Variants in RCOR1 observed in about 807,000 individuals in gnomAD.
RCOR1 encodes REST corepressor 1.
A neutral mutation model predicts 64.0 loss-of-function variants in RCOR1; 12 were observed. That is an observed-to-expected ratio of 0.19 (90% CI 0.12 to 0.30). The LOEUF is 0.30. Ranked by LOEUF, RCOR1 falls within the 10% of genes least tolerant of loss-of-function variation. RCOR1 has a pLI of 1.00. For synonymous variants in RCOR1, 279 were observed against 227.2 expected (o/e 1.23, Z -2.05); for missense variants, 502 against 621.2 (o/e 0.81, Z 2.04).
intron 7 of RCOR1, 40 bp from the exon 8 acceptor site, chr14:102,714,383 T>A: frequency 1.4e-6 from 2 of 1,395,074 alleles, no homozygotes; most frequent in Non-Finnish European, 2.0e-6. Context: ...ATCATTTGAC[T>A]TTTTTTAAGT....
chr14:102,654,025 G>T (rs534944916), intron 2 of RCOR1, among the ~76,000 whole-genome samples: 106 of 118,404 alleles, frequency 9.0e-4, no homozygotes, highest in African/African-American at 3.3e-3. Context: ...TGGCTCTGTC[G>T]CCCAGGCCGG....
chr14:102,667,819 T>C (rs542510476), intron 2 of RCOR1, among the ~76,000 whole-genome samples: 1 of 152,152 alleles, frequency 6.6e-6, no homozygotes, highest in Admixed American at 6.5e-5. Context: ...TTGGTGACTA[T>C]ACAAGTGATA....
intron 2 of RCOR1, among the ~76,000 whole-genome samples, chr14:102,633,204 C>T (rs1262626352): frequency 6.6e-6 from 1 of 152,048 alleles, no homozygotes; most frequent in Admixed American, 6.6e-5. Flanking sequence ...AAGGTCTCAT[C>T]TAGCTCTAAG....
At position 102,727,314 on chromosome 14, in the gene RCOR1, G is replaced by A. The variant is rs1022834689; in HGVS notation, c.*808G>A. 1 of 89,788 alleles carries A rather than the reference G, an allele frequency of 1.1e-5. No homozygotes were observed. Among genetic ancestry groups the A allele is most frequent in the Non-Finnish European group, 2.2e-5 (1 of 45,384 alleles). The allele number at this position is 89,788 out of a possible 1,614,324, so 5.6% of individuals were successfully genotyped here. A position where few individuals can be genotyped will look rare whatever the true frequency, so the allele number is the denominator to read the frequency against. The stretch of plus-strand genomic sequence containing the variant: ...CACCCCCCCACCTCCAAGAGGTTCG[G>A]CCCACATCACTGTACCTGGTGCTTG... On this transcript the variant is annotated 3_prime_UTR_variant, in exon 12 of 12. Coordinates refer to ENST00000262241, the MANE Select transcript of RCOR1 (RefSeq NM_015156.4).
chr14:102,645,343 T>C (rs748996822), intron 2 of RCOR1, among the ~76,000 whole-genome samples: 1 of 152,218 alleles, frequency 6.6e-6, no homozygotes, highest in Non-Finnish European at 1.5e-5. Flanking sequence ...CTGAGAATTT[T>C]GAGAATTGTT....
chr14:102,619,714 C>T (rs982895402), intron 2 of RCOR1, among the ~76,000 whole-genome samples: 13 of 152,132 alleles, frequency 8.5e-5, no homozygotes, highest in African/African-American at 3.1e-4. Flanking sequence ...CTCCTGACCT[C>T]AGGTGATCTG....
At chr14:102,613,634 A>G (rs1893683766) in intron 2 of RCOR1, among the ~76,000 whole-genome samples, 1 of 150,544 alleles carries the variant, frequency 6.6e-6, no homozygotes, top group African/African-American at 2.4e-5. Context: ...GGGTTTCACC[A>G]TGGTCTCGAT....
intron 2 of RCOR1, among the ~76,000 whole-genome samples, chr14:102,678,618 T>C (rs1353170151): frequency 2.6e-5 from 4 of 152,190 alleles, no homozygotes; most frequent in South Asian, 2.1e-4. Flanking sequence ...TGTGAACATA[T>C]GCTAATTCTG....
intron 2 of RCOR1, among the ~76,000 whole-genome samples, chr14:102,666,658 G>A (rs1267149131): frequency 6.6e-6 from 1 of 152,146 alleles, no homozygotes; most frequent in Non-Finnish European, 1.5e-5. Flanking sequence ...GTTTTAAGAA[G>A]TACTAATCAG....
At chr14:102,619,195 C>T (rs539394695) in intron 2 of RCOR1, among the ~76,000 whole-genome samples, 2 of 152,196 alleles carry the variant, frequency 1.3e-5, no homozygotes, top group East Asian at 3.9e-4. Context: ...AATCTTGGTT[C>T]ATTGCAACCT....
intron 2 of RCOR1, among the ~76,000 whole-genome samples, chr14:102,596,523 A>G (rs1441009214): frequency 6.6e-6 from 1 of 152,056 alleles, no homozygotes; most frequent in African/African-American, 2.4e-5. Context: ...TGAGAGTTTG[A>G]TCCTTACTAG....
At chr14:102,685,248 T>A (rs1276082526) in intron 3 of RCOR1, among the ~76,000 whole-genome samples, 2 of 152,206 alleles carry the variant, frequency 1.3e-5, no homozygotes, top group Admixed American at 1.3e-4. Flanking sequence ...TGAACTGTTA[T>A]CAGTCTGCTC....
chr14:102,645,925 A>G lies in RCOR1; in HGVS notation c.362-35970A>G, dbSNP rs922310571. On this transcript the variant is annotated intron_variant, in intron 2 of 11. Transcript: ENST00000262241. ...TTTGTTTGTGCTGCTTCTTCAGGGC[A>G]CTCAGACTGCCCACATAGCTTTGTG... Among the ~76,000 whole-genome samples, 4 of 152,308 alleles carry G rather than the reference A, an allele frequency of 2.6e-5. No individual in the cohort carries two copies. In the South Asian group the frequency reaches 6.2e-4, roughly 24 times the overall value.
At chr14:102,603,745 G>T (rs1893449997) in intron 2 of RCOR1, among the ~76,000 whole-genome samples, 1 of 151,724 alleles carries the variant, frequency 6.6e-6, no homozygotes, top group Non-Finnish European at 1.5e-5. Context: ...CTCAGCTTCC[G>T]AGGTAGCTGG....
intron 5 of RCOR1, 133 bp downstream of exon 5, chr14:102,707,645 C>CT: frequency 1.3e-6 from 1 of 769,022 alleles, no homozygotes; most frequent in Non-Finnish European, 2.1e-6. Flanking sequence ...TTAGATTCAG[C>CT]TTAGTACATG....
At chr14:102,705,229 G>A (rs992744790) in intron 4 of RCOR1, among the ~76,000 whole-genome samples, 4 of 152,000 alleles carry the variant, frequency 2.6e-5, no homozygotes, top group African/African-American at 7.3e-5. Flanking sequence ...GTGGGTTTTC[G>A]AATCTCTCCC....
At chr14:102,681,317 A>C (rs1441523734) in intron 2 of RCOR1, among the ~76,000 whole-genome samples, 1 of 152,140 alleles carries the variant, frequency 6.6e-6, no homozygotes, top group East Asian at 1.9e-4. Flanking sequence ...TTGCCTTCTG[A>C]AGATATGTGT....
chr14:102,711,038 T>C (rs1283282005), intron 7 of RCOR1, 25 bp downstream of exon 7: 2 of 1,459,178 alleles, frequency 1.4e-6, no homozygotes, highest in Admixed American at 2.1e-5. Context: ...TAGTATTGTT[T>C]AGGCGAATAA....
At chr14:102,692,518 T>G (rs962813595) in intron 3 of RCOR1, among the ~76,000 whole-genome samples, 1 of 152,000 alleles carries the variant, frequency 6.6e-6, no homozygotes, top group Non-Finnish European at 1.5e-5. Context: ...CCCCACCATG[T>G]GGACATAACC....
Sources: gnomAD v4.1 joint callset for allele counts (sites outside exome capture counted in the v4.1 genomes callset) on GRCh38, gnomAD v4.1.1 for gene constraint, MANE v1.5 for transcripts, NCBI Gene and HGNC (gene_info 2026-07-23, HGNC 2026-07-21) for gene names.